The following DNAJC24 variants were observed in gnomAD, a reference collection of about 807,000 sequenced individuals.
The protein encoded by DNAJC24 is dnaJ homolog subfamily C member 24.
In DNAJC24, 17 loss-of-function variants were observed where a neutral mutation model predicts 18.0. The observed-to-expected ratio is 0.94, with a 90% CI of 0.65 to 1.42. DNAJC24 has a LOEUF of 1.42. Ranked by LOEUF, DNAJC24 falls within the 40% of genes most tolerant of loss-of-function variation. The pLI, the probability that DNAJC24 is intolerant of heterozygous loss-of-function variation, is 0.00. For missense variants in DNAJC24, 158 were observed against 175.6 expected (o/e 0.90, Z 0.57); for synonymous variants, 55 against 57.7 (o/e 0.95, Z 0.21).
intron 2 of DNAJC24, among the ~76,000 whole-genome samples, chr11:31,374,657 G>A (rs908007966): frequency 3.0e-5 from 4 of 134,490 alleles, no homozygotes; most frequent in African/African-American, 1.0e-4. Flanking sequence ...AAGAGAGGTG[G>A]AGGGCTAACC....
chr11:31,426,096 T>C (rs991546770), intron 3 of DNAJC24, among the ~76,000 whole-genome samples, 191 bp from the exon 4 acceptor site: 1 of 152,236 alleles, frequency 6.6e-6, no homozygotes, highest in African/African-American at 2.4e-5. Flanking sequence ...AGAAATGTTA[T>C]GTTCTAGATT....
intron 4 of DNAJC24, among the ~76,000 whole-genome samples, chr11:31,429,054 TAAAA>T (rs1232672621): frequency 2.0e-5 from 3 of 152,038 alleles, no homozygotes; most frequent in African/African-American, 4.8e-5. Context: ...AATTTAATAA[TAAAA>T]AAATTCATTT....
At chr11:31,425,724 A>C (rs1952854637) in intron 3 of DNAJC24, among the ~76,000 whole-genome samples, 1 of 152,148 alleles carries the variant, frequency 6.6e-6, no homozygotes, top group Admixed American at 6.5e-5. Context: ...GAACAGTCAA[A>C]TTATGGGTTA....
chr11:31,408,265 G>C (rs997715742), intron 2 of DNAJC24: 7 of 451,986 alleles, frequency 1.5e-5, no homozygotes, highest in Admixed American at 1.2e-4. Context: ...ATTTTAGCAC[G>C]CGTAACAGTT....
rs1952223164 is a variant in DNAJC24 at position 31,370,735 on chromosome 11, TTC to T, written c.-12_-11del. 6.3e-7 allele frequency: 1 copy of T among 1,585,110 alleles called. No homozygotes were observed. The highest frequency in any genetic ancestry group is 1.8e-5 in the Admixed American group (1 of 56,496). On this transcript the variant is annotated 5_prime_UTR_variant, in exon 2 of 5. Transcript: ENST00000465995. ...ATTCAGCTAATCTGAGAAGGCCCAC[TTC>T]TGGTTCCATGGATGATGGCGGTTGA...
intron 2 of DNAJC24, among the ~76,000 whole-genome samples, chr11:31,412,443 T>C (rs955942785): frequency 1.3e-5 from 2 of 152,200 alleles, no homozygotes; most frequent in African/African-American, 2.4e-5. Flanking sequence ...ATGTTACATA[T>C]AATAACATTT....
At chr11:31,399,477 C>T (rs538014876) in intron 2 of DNAJC24, among the ~76,000 whole-genome samples, 6 of 149,546 alleles carry the variant, frequency 4.0e-5, no homozygotes, top group African/African-American at 7.4e-5. Context: ...TACAGTGGCA[C>T]GATCTCAGCT....
chr11:31,418,596 GT>G (rs1198071127), intron 3 of DNAJC24, among the ~76,000 whole-genome samples: 1 of 152,052 alleles, frequency 6.6e-6, no homozygotes, highest in African/African-American at 2.4e-5. Context: ...AATAGATTGT[GT>G]TTGGAATCCT....
intron 2 of DNAJC24, among the ~76,000 whole-genome samples, chr11:31,393,336 G>A (rs745378916): frequency 1.3e-5 from 2 of 152,144 alleles, no homozygotes; most frequent in South Asian, 2.1e-4. Flanking sequence ...AGCTAAGGAC[G>A]TGGGGTATGG....
In DNAJC24 at chr11:31,384,322, C is replaced by T. The variant is rs1212908666; in HGVS notation, c.111+13463C>T. ...AACTCTGTTATTCCACTGTCCATAT[C>T]CTATCTTTACTCTAATTGCTTATGC... On this transcript the variant is annotated intron_variant, in intron 2 of 4. Coordinates refer to ENST00000465995, the MANE Select transcript of DNAJC24 (RefSeq NM_181706.5). Among the ~76,000 whole-genome samples, 9 of 152,164 alleles carry T rather than the reference C, an allele frequency of 5.9e-5. 1 individual carries two copies. Among genetic ancestry groups the T allele is most frequent in the Admixed American group, 5.9e-4 (9 of 15,276 alleles).
chr11:31,396,414 AT>A (rs1952543110), intron 2 of DNAJC24: 1 of 367,100 alleles, frequency 2.7e-6, no homozygotes, highest in Admixed American at 3.5e-5. Context: ...CCCCTCAATT[AT>A]ATGCAAATTT....
chr11:31,428,641 A>G (rs1393191711), intron 4 of DNAJC24, among the ~76,000 whole-genome samples: 1 of 152,174 alleles, frequency 6.6e-6, no homozygotes, highest in Non-Finnish European at 1.5e-5. Context: ...GCAGTATGAA[A>G]TGATGCATTT....
chr11:31,389,177 T>C lies in DNAJC24; in HGVS notation c.111+18318T>C, dbSNP rs182480680. Reference sequence around the variant, plus strand: ...CTTACTTATCAATAATAACATTGAATGTAAATGGACTAAACTCTCCAAAAC... The same window carrying C: ...CTTACTTATCAATAATAACATTGAACGTAAATGGACTAAACTCTCCAAAAC... On this transcript the variant is annotated intron_variant, in intron 2 of 4. Transcript: ENST00000465995. Among the ~76,000 whole-genome samples the C allele has an allele frequency of 7.9e-5, 12 of 152,226 alleles. No individual in the cohort carries two copies. The East Asian group carries it at 1.7e-3, about 22-fold the overall frequency.
Position 31,428,095 on chromosome 11 carries a change from G to A in DNAJC24, c.319+1740G>A, listed in dbSNP as rs555197507. 1.3e-4 allele frequency: 19 copies of A among 151,746 alleles called. No homozygotes were observed. In the East Asian group the frequency reaches 3.3e-3, roughly 26 times the overall value. 9.4% of individuals were successfully genotyped at this position (151,746 alleles called of 1,614,324 possible). On this transcript the variant is annotated intron_variant, in intron 4 of 4. Coordinates refer to ENST00000465995, the MANE Select transcript of DNAJC24 (RefSeq NM_181706.5). ...ACAATATGGCTTAAGCATCTGTCCA[G>A]TCAATAAATACATGGACTTTCTGAT...
intron 4 of DNAJC24, among the ~76,000 whole-genome samples, chr11:31,429,054 TAAA>T (rs1232672621): frequency 6.6e-6 from 1 of 152,038 alleles, no homozygotes. Flanking sequence ...AATTTAATAA[TAAA>T]AAAATTCATT....
intron 4 of DNAJC24, 134 bp from the exon 5 acceptor site, chr11:31,430,137 A>T: frequency 2.7e-6 from 2 of 745,932 alleles, no homozygotes; most frequent in Non-Finnish European, 4.0e-6. Flanking sequence ...GTTCTCCTTT[A>T]AATACATTTT....
chr11:31,412,867 G>A (rs9971611), intron 2 of DNAJC24, among the ~76,000 whole-genome samples: 14,784 of 152,172 alleles, frequency 0.097, 1,986 homozygotes, highest in African/African-American at 0.3. Flanking sequence ...CTGTGCTAGA[G>A]AGGATTTCAG....
intron 2 of DNAJC24, among the ~76,000 whole-genome samples, chr11:31,385,650 A>G (rs1190339513): frequency 6.6e-6 from 1 of 152,222 alleles, no homozygotes; most frequent in South Asian, 2.1e-4. Flanking sequence ...CACTAAAAAT[A>G]TAAGGTTTCT....
chr11:31,370,876 A>T lies in DNAJC24; in HGVS notation c.111+17A>T. On this transcript the variant is annotated intron_variant, in intron 2 of 4. Coordinates refer to ENST00000465995, the MANE Select transcript of DNAJC24 (RefSeq NM_181706.5). ...ATATTAATGGTAAGTCTTTTCTTTC[A>T]GATTTTAAATCATGAGGGGAAAAAA... 1 of 1,511,692 alleles carries T rather than the reference A, an allele frequency of 6.6e-7. No individual in the cohort carries two copies. The highest frequency in any genetic ancestry group is 9.0e-7 in the Non-Finnish European group (1 of 1,106,332). 93.6% of individuals were successfully genotyped at this position (1,511,692 alleles called of 1,614,324 possible). A position where few individuals can be genotyped will look rare whatever the true frequency, so the allele number is the denominator to read the frequency against.
Sources: allele counts gnomAD v4.1 joint callset (sites outside exome capture counted in the v4.1 genomes callset), GRCh38; gene constraint gnomAD v4.1.1; transcripts MANE v1.5; gene names NCBI Gene and HGNC (gene_info 2026-07-23, HGNC 2026-07-21).